The following CALHM4 variants were observed in gnomAD, a reference collection of about 807,000 sequenced individuals.
CALHM4 encodes the protein calcium homeostasis modulator protein 4.
Under a neutral mutation model 13.3 loss-of-function variants are expected in CALHM4, and 16 were observed. The ratio of observed to expected loss-of-function variants is 1.20; its 90% CI spans 0.81 to 1.82. The LOEUF (loss-of-function observed/expected upper bound fraction) is 1.82. CALHM4 is among the 40% of genes most tolerant of loss of function. CALHM4 has a pLI of 0.00. For missense variants in CALHM4, 344 were observed against 374.9 expected, an observed-to-expected ratio of 0.92 and a Z score of 0.68; for synonymous variants, 127 against 137.1, an observed-to-expected ratio of 0.93 and a Z score of 0.52.
intron 1 of CALHM4, chr6:116,540,587 C>T (rs2115236515): frequency 1.1e-6 from 1 of 918,492 alleles, no homozygotes; most frequent in South Asian, 1.6e-5. Flanking sequence ...CCAAATATGA[C>T]GAGTCAAATG....
At chr6:116,553,208 T>G (rs1284552222), upstream of CALHM4, among the ~76,000 whole-genome samples, 1 of 152,272 alleles carries the variant, frequency 6.6e-6, no homozygotes, top group Non-Finnish European at 1.5e-5. Flanking sequence ...AAAATTTTTA[T>G]GCAAAGTTAG....
At chr6:116,536,363 T>C (rs935905248) in intron 1 of CALHM4, among the ~76,000 whole-genome samples, 3 of 152,122 alleles carry the variant, frequency 2.0e-5, no homozygotes, top group Non-Finnish European at 2.9e-5. Context: ...TAAAAGACAT[T>C]GTCAGAGGCC....
chr6:116,551,072 C>T (rs898752169), upstream of CALHM4, among the ~76,000 whole-genome samples: 4 of 152,340 alleles, frequency 2.6e-5, no homozygotes, highest in South Asian at 8.3e-4. Context: ...TTTCCCTGCC[C>T]TGCCTTGCCT....
chr6:116,555,257 C>T (rs1193272196), intron 1 of CALHM4, among the ~76,000 whole-genome samples: 1 of 152,118 alleles, frequency 6.6e-6, no homozygotes, highest in Non-Finnish European at 1.5e-5. Context: ...TTTTTTAATA[C>T]TAGCCCTAAT....
At position 116,553,852 on chromosome 6, in the gene CALHM4, A is replaced by G. The variant is rs1774186437; in HGVS notation, c.59A>G (p.Asn20Ser). The G allele has an allele frequency of 3.9e-6, 6 of 1,550,542 alleles. No individual in the cohort carries two copies. The highest frequency in any genetic ancestry group is 2.7e-5 in the African/African-American group (2 of 73,064). ...CTGCAGAGAAATGGAATATTTATCA[A>G]TTCTTTAATTGCAGCCTTGACTATT... ...SSLQRNGIFI[N>S]SLIAALTIGG... Residue 20 changes from asparagine to serine, a missense_variant, in exon 1 of 2, where the codon AAT becomes AGT. By Grantham distance (46) the Asn-to-Ser change is conservative. Coordinates refer to ENST00000368596, the MANE Select transcript of CALHM4 (RefSeq NM_001366078.2).
chr6:116,546,041 C>A (rs1335092461), intron 2 of CALHM4, among the ~76,000 whole-genome samples: 1 of 152,188 alleles, frequency 6.6e-6, no homozygotes, highest in Non-Finnish European at 1.5e-5. Flanking sequence ...CTCAACTACA[C>A]CAATGGTTAT....
intron 2 of CALHM4, among the ~76,000 whole-genome samples, chr6:116,546,610 G>C (rs908278961): frequency 5.3e-5 from 8 of 152,168 alleles, no homozygotes; most frequent in African/African-American, 1.9e-4. Flanking sequence ...CATTGGGCAA[G>C]CCATTTTATT....
At chr6:116,540,720 G>T (rs9372465) in intron 1 of CALHM4, among the ~76,000 whole-genome samples, 1 of 151,784 alleles carries the variant, frequency 6.6e-6, no homozygotes, top group Non-Finnish European at 1.5e-5. Flanking sequence ...CTTGCCCAAA[G>T]TTGACAATAT....
chr6:116,533,682 G>A (rs1182547196), intron 1 of CALHM4, among the ~76,000 whole-genome samples: 5 of 152,194 alleles, frequency 3.3e-5, no homozygotes, highest in African/African-American at 1.2e-4. Flanking sequence ...TAACGCTAGA[G>A]CTCCATCATG....
rs566280211 is a variant in CALHM4 at position 116,535,171 on chromosome 6, G to A, written c.-109+5981G>A. ...ATTTATGATTATAATTCAATGTGCA[G>A]ATGATAGCTAGTGAAAATAACACCT... On this transcript the variant is annotated intron_variant, in intron 1 of 2. Transcript: ENST00000368597. Among the ~76,000 whole-genome samples the A allele has an allele frequency of 2.0e-5, 3 of 152,350 alleles. No homozygotes were observed. In the South Asian group the frequency reaches 6.2e-4, roughly 32 times the overall value.
upstream of CALHM4, among the ~76,000 whole-genome samples, chr6:116,552,867 G>A (rs1364696223): frequency 6.6e-6 from 1 of 152,202 alleles, no homozygotes; most frequent in Non-Finnish European, 1.5e-5. Context: ...AAGGTCAGGA[G>A]ATCGAGACCA....
chr6:116,544,571 C>T (rs1035110255), intron 2 of CALHM4, among the ~76,000 whole-genome samples: 11 of 152,074 alleles, frequency 7.2e-5, no homozygotes, highest in Admixed American at 5.2e-4. Flanking sequence ...GAAAGAACAT[C>T]ATTAACTATT....
chr6:116,538,921 G>A (rs1410520140), intron 1 of CALHM4, among the ~76,000 whole-genome samples: 1 of 151,856 alleles, frequency 6.6e-6, no homozygotes, highest in Admixed American at 6.6e-5. Context: ...TGTAGAGGTG[G>A]GATTTCACCA....
chr6:116,547,358 T>C, intron 2 of CALHM4, among the ~76,000 whole-genome samples: 1 of 152,144 alleles, frequency 6.6e-6, no homozygotes. Context: ...TATGGTCACA[T>C]TATGGCCATC....
chr6:116,538,979 T>G lies in CALHM4; in HGVS notation c.-108-4786T>G, dbSNP rs1376466088. On this transcript the variant is annotated intron_variant, in intron 1 of 2. Transcript: ENST00000368597. Reference sequence around the variant, plus strand: ...CTCTCCATCTCCTGAGCTCAAGTGATTTGCCCACACTAAGCTAATGGGATG... The same window carrying G: ...CTCTCCATCTCCTGAGCTCAAGTGAGTTGCCCACACTAAGCTAATGGGATG... 5.9e-5 allele frequency among the ~76,000 whole-genome samples: 9 copies of G among 152,082 alleles called. No homozygotes were observed. In the East Asian group the frequency reaches 1.5e-3, roughly 26 times the overall value.
chr6:116,560,588 TGGGA>T lies in CALHM4; in HGVS notation c.*2378_*2381del. On this transcript the variant is annotated 3_prime_UTR_variant, in exon 2 of 2. Coordinates refer to ENST00000368596, the MANE Select transcript of CALHM4 (RefSeq NM_001366078.2). Reference sequence around the variant, plus strand: ...ACATTTAAAAGGTAGTACACACCCCTGGGATTTCATCTTACAGTACATTATCTAT... The same window carrying T: ...ACATTTAAAAGGTAGTACACACCCCTTTTCATCTTACAGTACATTATCTAT... Among the ~76,000 whole-genome samples the T allele has an allele frequency of 7.0e-6, 1 of 142,404 alleles. No individual in the cohort carries two copies. Among genetic ancestry groups the T allele is most frequent in the Non-Finnish European group, 1.5e-5 (1 of 65,170 alleles). The allele number at this position is 142,404 out of a possible 152,430, so 93.4% of individuals were successfully genotyped here. A position where few individuals can be genotyped will look rare whatever the true frequency, so the allele number is the denominator to read the frequency against.
intron 1 of CALHM4, among the ~76,000 whole-genome samples, chr6:116,556,471 C>A (rs12528535): frequency 6.6e-6 from 1 of 152,176 alleles, no homozygotes; most frequent in Middle Eastern, 3.4e-3. Context: ...GCTTTTCCTC[C>A]GCCATGCTGG....
chr6:116,538,997 A>T (rs1401853253), intron 1 of CALHM4, among the ~76,000 whole-genome samples: 1 of 152,084 alleles, frequency 6.6e-6, no homozygotes, highest in Non-Finnish European at 1.5e-5. Context: ...CACTAAGCTA[A>T]TGGGATGAAT....
At chr6:116,538,286 T>C (rs1773219425) in intron 1 of CALHM4, among the ~76,000 whole-genome samples, 1 of 152,152 alleles carries the variant, frequency 6.6e-6, no homozygotes, top group South Asian at 2.1e-4. Flanking sequence ...GATGAGCCAA[T>C]ATTCTCTGGG....
Sources: allele counts gnomAD v4.1 joint callset (sites outside exome capture counted in the v4.1 genomes callset), GRCh38; gene constraint gnomAD v4.1.1; transcripts MANE v1.5; gene names NCBI Gene and HGNC (gene_info 2026-07-23, HGNC 2026-07-21).